MACROD2: variants seen among roughly 807,000 people sequenced by gnomAD.
MACROD2 encodes mono-ADP ribosylhydrolase 2, also known as ADP-ribose glycohydrolase MACROD2.
A neutral mutation model predicts 70.4 loss-of-function variants in MACROD2; 36 were observed. The observed-to-expected ratio is 0.51, with a 90% CI of 0.39 to 0.68. The LOEUF is 0.68. Among genes scored for constraint, MACROD2 ranks in the 30% least tolerant of loss-of-function variants. The pLI is 0.00. For missense variants in MACROD2, 496 were observed against 538.4 expected (o/e 0.92, Z 0.78); for synonymous variants, 172 against 178.8 (o/e 0.96, Z 0.30).
intron 12 of MACROD2, among the ~76,000 whole-genome samples, chr20:15,951,953 A>C (rs1178842037): frequency 6.6e-6 from 1 of 152,146 alleles, no homozygotes; most frequent in Non-Finnish European, 1.5e-5. Context: ...CCCATATCTC[A>C]TCTTACATTA....
At chr20:15,063,553 T>C (rs772313860) in intron 5 of MACROD2, among the ~76,000 whole-genome samples, 10 of 152,208 alleles carry the variant, frequency 6.6e-5, no homozygotes, top group Non-Finnish European at 1.0e-4. Context: ...GGGTACATCA[T>C]GTTTTAGTCT....
chr20:15,734,536 G>A, intron 8 of MACROD2, among the ~76,000 whole-genome samples: 1 of 152,178 alleles, frequency 6.6e-6, no homozygotes, highest in African/African-American at 2.4e-5. Flanking sequence ...AATAGTAGAA[G>A]CATTATGGAG....
chr20:14,217,223 T>C (rs1351093809), intron 3 of MACROD2, among the ~76,000 whole-genome samples: 1 of 152,204 alleles, frequency 6.6e-6, no homozygotes, highest in Non-Finnish European at 1.5e-5. Context: ...TAAAGCAATG[T>C]TGGATTTTGT....
intron 5 of MACROD2, among the ~76,000 whole-genome samples, chr20:14,746,470 A>T (rs2071801176): frequency 6.6e-6 from 1 of 152,084 alleles, no homozygotes; most frequent in African/African-American, 2.4e-5. Context: ...AGGTTAAAAA[A>T]TTTACGTTTT....
At chr20:15,070,513 C>G (rs1175106012) in intron 5 of MACROD2, among the ~76,000 whole-genome samples, 1 of 152,094 alleles carries the variant, frequency 6.6e-6, no homozygotes, top group Non-Finnish European at 1.5e-5. Context: ...GAGGCAAGGT[C>G]TAGTGGGGAG....
intron 3 of MACROD2, among the ~76,000 whole-genome samples, chr20:14,449,498 T>C (rs919268470): frequency 6.6e-6 from 1 of 152,232 alleles, no homozygotes; most frequent in South Asian, 2.1e-4. Flanking sequence ...CCAAGGTATG[T>C]AGTCTGGTTG....
chr20:14,042,116 G>A (rs1215120464), intron 2 of MACROD2, among the ~76,000 whole-genome samples: 2 of 152,012 alleles, frequency 1.3e-5, no homozygotes, highest in Non-Finnish European at 1.5e-5. Context: ...TTTAGTATTG[G>A]GAAGATACAG....
chr20:14,793,930 T>G (rs2072480817), intron 5 of MACROD2, among the ~76,000 whole-genome samples: 1 of 151,386 alleles, frequency 6.6e-6, no homozygotes, highest in African/African-American at 2.4e-5. Flanking sequence ...AAGGAAGGAG[T>G]AGGTCTTCTC....
At chr20:15,187,425 G>T (rs1315190282) in intron 5 of MACROD2, among the ~76,000 whole-genome samples, 1 of 152,116 alleles carries the variant, frequency 6.6e-6, no homozygotes, top group African/African-American at 2.4e-5. Context: ...ATCTATTATG[G>T]ATCAACTAAA....
chr20:14,019,367 G>T (rs1047569638), intron 2 of MACROD2, among the ~76,000 whole-genome samples: 2 of 152,162 alleles, frequency 1.3e-5, no homozygotes, highest in African/African-American at 4.8e-5. Context: ...TGCCTCCTGG[G>T]TTCAAGCGTT....
chr20:15,911,879 G>A (rs1362898937), intron 10 of MACROD2, among the ~76,000 whole-genome samples: 2 of 152,206 alleles, frequency 1.3e-5, no homozygotes, highest in Admixed American at 6.5e-5. Flanking sequence ...GTTGGCATGT[G>A]CGTGTAATCC....
chr20:14,084,790 C>CAAATATTCTCCTTG (rs143811988), intron 2 of MACROD2, among the ~76,000 whole-genome samples: 40,494 of 151,392 alleles, frequency 0.27, 5,568 homozygotes, highest in African/African-American at 0.31. Flanking sequence ...TTCACAAATT[C>CAAATATTCTCCTTG]AAATTTCCTA....
chr20:14,874,270 G>A (rs1202898571), intron 5 of MACROD2, among the ~76,000 whole-genome samples: 1 of 151,044 alleles, frequency 6.6e-6, no homozygotes, highest in Non-Finnish European at 1.5e-5. Context: ...TCTCAGGAAG[G>A]CAGTATCAAA....
intron 10 of MACROD2, among the ~76,000 whole-genome samples, chr20:15,899,026 GTATA>G (rs533041188): frequency 1.3e-5 from 2 of 151,468 alleles, no homozygotes; most frequent in African/African-American, 4.9e-5. Context: ...TTGTATGTAT[GTATA>G]TATATGTACA....
At chr20:14,346,726 C>G (rs749642984) in intron 3 of MACROD2, among the ~76,000 whole-genome samples, 5 of 152,072 alleles carry the variant, frequency 3.3e-5, no homozygotes, top group African/African-American at 1.2e-4. Flanking sequence ...GAAACTCAGA[C>G]GGAACAAAAG....
rs141751279 is a variant in MACROD2 at position 14,395,104 on chromosome 20, G to T, written c.272-98375G>T. 3.6e-4 allele frequency among the ~76,000 whole-genome samples: 54 copies of T among 152,064 alleles called. No homozygotes were observed. The East Asian group carries it at 9.3e-3, about 26-fold the overall frequency. On this transcript the variant is annotated intron_variant, in intron 3 of 17. Transcript: ENST00000684519. ...GAGCAATGTTGATCTCATAGGATAC[G>T]TCAGGAAGTGTTCCCTCATCTTCAA...
intron 6 of MACROD2, among the ~76,000 whole-genome samples, chr20:15,312,770 G>A (rs1336993363): frequency 2.0e-5 from 3 of 151,832 alleles, no homozygotes; most frequent in Non-Finnish European, 4.4e-5. Context: ...TATTGTTCAT[G>A]GTATATATAC....
At chr20:14,348,578 C>T (rs1228199591) in intron 3 of MACROD2, among the ~76,000 whole-genome samples, 2 of 151,502 alleles carry the variant, frequency 1.3e-5, no homozygotes, top group Non-Finnish European at 2.9e-5. Flanking sequence ...AATTTCTTAT[C>T]AGTTTAGGAA....
chr20:14,717,022 T>C (rs1028905112), intron 5 of MACROD2, among the ~76,000 whole-genome samples: 1 of 152,012 alleles, frequency 6.6e-6, no homozygotes, highest in Non-Finnish European at 1.5e-5. Context: ...TTTTAAAAAA[T>C]TTAAAACAAA....
Sources: gnomAD v4.1 joint callset for allele counts (sites outside exome capture counted in the v4.1 genomes callset) on GRCh38, gnomAD v4.1.1 for gene constraint, MANE v1.5 for transcripts, NCBI Gene and HGNC (gene_info 2026-07-23, HGNC 2026-07-21) for gene names.